Variants in DNAH10 observed in about 807,000 individuals in gnomAD.
DNAH10 encodes dynein axonemal heavy chain 10.
A neutral mutation model predicts 506.6 loss-of-function variants in DNAH10; 348 were observed. The ratio of observed to expected loss-of-function variants is 0.69; its 90% CI spans 0.63 to 0.75. The LOEUF is 0.75. Among genes scored for constraint, DNAH10 ranks in the 30% least tolerant of loss-of-function variants. DNAH10 has a pLI of 0.00. For missense variants in DNAH10, 5,179 were observed against 5,787.1 expected, an observed-to-expected ratio of 0.89 and a Z score of 3.41; for synonymous variants, 2,059 against 2,198.6, an observed-to-expected ratio of 0.94 and a Z score of 1.78.
At position 123,898,730 on chromosome 12, in the gene DNAH10, C is replaced by T. The variant is rs1953373493; in HGVS notation, c.9556C>T (p.Leu3186=). Residue 3186 remains leucine, a synonymous_variant, in exon 56 of 79, where the codon CTG becomes TTG. Transcript: ENST00000673944. ...TIQLDELNQK[L]AEQKIVLAEK... is the part of the protein sequence containing the mutation. ...CCAGCTGGACGAGCTGAACCAGAAGCTGGCCGAGCAGAAGATCGTGCTGGC... is the reference window on the plus strand; with the variant it reads ...CCAGCTGGACGAGCTGAACCAGAAGTTGGCCGAGCAGAAGATCGTGCTGGC... 1 of 1,609,412 alleles carries T rather than the reference C, an allele frequency of 6.2e-7. No homozygotes were observed. The highest frequency in any genetic ancestry group is 8.5e-7 in the Non-Finnish European group (1 of 1,178,104).
Position 123,841,558 on chromosome 12 carries a change from A to G in DNAH10, c.5360+13A>G. ...AAGACAGAAGCAGGTAAGGCTGCGAATGTGGACATGCATTGCTCTATCCAA... is the reference window on the plus strand; with the variant it reads ...AAGACAGAAGCAGGTAAGGCTGCGAGTGTGGACATGCATTGCTCTATCCAA... On this transcript the variant is annotated intron_variant, in intron 30 of 78. Coordinates refer to ENST00000673944, the MANE Select transcript of DNAH10 (RefSeq NM_001372106.1). 1 of 1,609,186 alleles carries G rather than the reference A, an allele frequency of 6.2e-7. No homozygotes were observed. The highest frequency in any genetic ancestry group is 8.5e-7 in the Non-Finnish European group (1 of 1,176,076).
At chr12:123,922,101 G>A (rs539243114) in intron 65 of DNAH10, among the ~76,000 whole-genome samples, 11 of 152,000 alleles carry the variant, frequency 7.2e-5, no homozygotes, top group Non-Finnish European at 1.2e-4. Context: ...TAGGCCAGGC[G>A]CGGTGGCTCA....
chr12:123,860,566 G>A (rs971589818), intron 38 of DNAH10, among the ~76,000 whole-genome samples: 11 of 152,168 alleles, frequency 7.2e-5, no homozygotes, highest in African/African-American at 2.7e-4. Context: ...GATTCATGAA[G>A]TCAACAGAGC....
At chr12:123,816,838 C>T (rs1409943203) in intron 21 of DNAH10, among the ~76,000 whole-genome samples, 2 of 152,158 alleles carry the variant, frequency 1.3e-5, no homozygotes, top group African/African-American at 2.4e-5. Context: ...CAGGAATCCA[C>T]GTGTTCAGCT....
At position 123,877,821 on chromosome 12, in the gene DNAH10, C is replaced by T. The variant is rs763536872; in HGVS notation, c.8285C>T (p.Pro2762Leu). 8.7e-6 allele frequency: 14 copies of T among 1,613,852 alleles called. No homozygotes were observed. Among genetic ancestry groups the T allele is most frequent in the African/African-American group, 8.0e-5 (6 of 74,914 alleles). ...ALYKNIVQDLPPTPSKFHYIF... is the reference protein window; with the variant it reads ...ALYKNIVQDLLPTPSKFHYIF... ...TACAAAAATATTGTGCAAGACCTACCTCCCACTCCGTCAAAGTTCCATTAC... is the reference window on the plus strand; with the variant it reads ...TACAAAAATATTGTGCAAGACCTACTTCCCACTCCGTCAAAGTTCCATTAC... Residue 2762 changes from proline to leucine, a missense_variant, in exon 48 of 79, where the codon CCT becomes CTT. Transcript: ENST00000673944.
chr12:123,816,055 C>T (rs1959133200), intron 21 of DNAH10, among the ~76,000 whole-genome samples: 1 of 152,072 alleles, frequency 6.6e-6, no homozygotes, highest in Non-Finnish European at 1.5e-5. Flanking sequence ...GGTCATTGTC[C>T]CTGGTTCCTG....
chr12:123,847,829 A>G (rs942989823), intron 32 of DNAH10, 132 bp from the exon 33 acceptor site: 7 of 1,247,546 alleles, frequency 5.6e-6, no homozygotes, highest in East Asian at 2.4e-5. Flanking sequence ...GGCCCAGTCA[A>G]GTTGACACAT....
chr12:123,863,251 C>A (rs1951679292), intron 39 of DNAH10, among the ~76,000 whole-genome samples: 1 of 152,156 alleles, frequency 6.6e-6, no homozygotes, highest in African/African-American at 2.4e-5. Context: ...AAAATGGAAC[C>A]ATCCTGAAGC....
Position 123,836,470 on chromosome 12 carries a change from G to A in DNAH10, c.4902+942G>A, listed in dbSNP as rs544496465. Among the ~76,000 whole-genome samples the A allele has an allele frequency of 1.4e-4, 22 of 152,302 alleles. No individual in the cohort carries two copies. In the South Asian group the frequency reaches 2.9e-3, roughly 20 times the overall value. ...TAGATTGTTAGAAAGCAAATTGCCC[G>A]TGAAAGGGTGTGTGTATTTTAAAGT... On this transcript the variant is annotated intron_variant, in intron 28 of 78. Transcript: ENST00000673944.
chr12:123,805,263 G>C (rs758292653), intron 18 of DNAH10, among the ~76,000 whole-genome samples: 5 of 152,182 alleles, frequency 3.3e-5, no homozygotes, highest in Non-Finnish European at 5.9e-5. Context: ...CACTTCAACT[G>C]TCTGAAAGCC....
intron 65 of DNAH10, chr12:123,922,962 G>A (rs1374483163): frequency 6.6e-6 from 1 of 152,104 alleles, no homozygotes; most frequent in Non-Finnish European, 1.5e-5. Context: ...TTAACAGTTG[G>A]GCAGAAAAGA....
intron 65 of DNAH10, among the ~76,000 whole-genome samples, chr12:123,921,412 A>G (rs966812861): frequency 4.6e-5 from 7 of 152,228 alleles, no homozygotes; most frequent in African/African-American, 1.7e-4. Context: ...ACCCTGCTTT[A>G]TCTTTTCCAA....
In DNAH10 at chr12:123,877,812, A is replaced by C. The variant is rs770246913; in HGVS notation, c.8276A>C (p.Gln2759Pro). Residue 2759 changes from glutamine (Q) to proline (P), a missense_variant, in exon 48 of 79, where the codon CAA becomes CCA. Around this residue, in one of 3 missense-constraint regions of DNAH10, gnomAD observed 4,844 missense variants for 5,430.5 expected, o/e 0.89. Transcript: ENST00000673944. Reference protein sequence around the residue: ...CTLALYKNIVQDLPPTPSKFH... With the variant: ...CTLALYKNIVPDLPPTPSKFH... The stretch of plus-strand genomic sequence containing the variant: ...CTAGCACTTTACAAAAATATTGTGC[A>C]AGACCTACCTCCCACTCCGTCAAAG... 1 of 1,614,014 alleles carries C rather than the reference A, an allele frequency of 6.2e-7. No individual in the cohort carries two copies. Among genetic ancestry groups the C allele is most frequent in the South Asian group, 1.1e-5 (1 of 91,080 alleles).
In DNAH10 at chr12:123,794,100, G is replaced by A. The variant is rs187660899; in HGVS notation, c.1974G>A (p.Gln658=). 4 of 1,221,768 alleles carry A rather than the reference G, an allele frequency of 3.3e-6. No homozygotes were observed. In the South Asian group the frequency reaches 5.8e-5, roughly 18 times the overall value. 75.7% of individuals were successfully genotyped at this position (1,221,768 alleles called of 1,614,324 possible). A position where few individuals can be genotyped will look rare whatever the true frequency, so the allele number is the denominator to read the frequency against. Residue 658 remains glutamine, a synonymous_variant, in exon 12 of 79, where the codon CAG becomes CAA. Coordinates refer to ENST00000673944, the MANE Select transcript of DNAH10 (RefSeq NM_001372106.1). ...TGAAATTTAATGATATTCTTGCACA[G>A]TACTGTAAAGAGGTAATTGAAAAAT... ...MMMKFNDILA[Q]YCKEIDIINK... is the part of the protein sequence containing the mutation.
At chr12:123,882,502 T>G (rs745746497) in intron 51 of DNAH10, among the ~76,000 whole-genome samples, 3 of 152,180 alleles carry the variant, frequency 2.0e-5, no homozygotes, top group Non-Finnish European at 4.4e-5. Context: ...AGAACACTTC[T>G]GTGGCTTCGG....
chr12:123,799,363 T>C lies in DNAH10; in HGVS notation c.2281T>C (p.Leu761=). Residue 761 remains leucine (L), a synonymous_variant, in exon 14 of 79, where the codon TTG becomes CTG. Transcript: ENST00000673944. ...VLPALMKKSL[L]TKSSIATEEP... The stretch of plus-strand genomic sequence containing the variant: ...GCCAGCTCTCATGAAGAAGAGCCTT[T>C]TGACCAAGGTGCGCTGCCCACGCCC... 6.2e-7 allele frequency: 1 copy of C among 1,611,832 alleles called. No homozygotes were observed. Among genetic ancestry groups the C allele is most frequent in the Non-Finnish European group, 8.5e-7 (1 of 1,178,402 alleles).
intron 17 of DNAH10, among the ~76,000 whole-genome samples, chr12:123,804,285 G>A (rs1958577423): frequency 6.6e-6 from 1 of 152,044 alleles, no homozygotes; most frequent in East Asian, 1.9e-4. Flanking sequence ...CAGCACTTTG[G>A]GAGGCTGAGG....
At chr12:123,813,096 T>C in intron 19 of DNAH10, 68 bp from the exon 20 acceptor site, 2 of 1,126,242 alleles carry the variant, frequency 1.8e-6, no homozygotes, top group Non-Finnish European at 2.6e-6. Flanking sequence ...TACTGAATAC[T>C]AATATGTACG....
At position 123,873,721 on chromosome 12, in the gene DNAH10, G is replaced by T; in HGVS notation, c.7938+11G>T. 1.3e-6 allele frequency: 2 copies of T among 1,598,086 alleles called. No homozygotes were observed. Among genetic ancestry groups the T allele is most frequent in the South Asian group, 2.3e-5 (2 of 88,548 alleles). On this transcript the variant is annotated intron_variant, in intron 46 of 78. Transcript: ENST00000673944. ...ATGAATATGCCAAGGGTAGTTTGAC[G>T]CTCAAGCAGGTGGAGGGATGGGTCA...
Sources: gnomAD v4.1 joint callset for allele counts (sites outside exome capture counted in the v4.1 genomes callset) on GRCh38, gnomAD v4.1.1 for gene constraint, gnomAD v4.1.1 regional missense constraint, MANE v1.5 for transcripts, NCBI Gene and HGNC (gene_info 2026-07-23, HGNC 2026-07-21) for gene names.